The following NLK variants were observed in gnomAD, a reference collection of about 807,000 sequenced individuals.
NLK encodes nemo like kinase, also known as serine/threonine-protein kinase NLK.
Under a neutral mutation model 59.0 loss-of-function variants are expected in NLK, and 11 were observed. That is an observed-to-expected ratio of 0.19 (90% CI 0.12 to 0.31). The LOEUF (loss-of-function observed/expected upper bound fraction) is 0.31, where lower values mean the gene tolerates loss of function less well. Ranked by LOEUF, NLK falls within the 10% of genes least tolerant of loss-of-function variation. The pLI, the probability that NLK is intolerant of heterozygous loss-of-function variation, is 1.00. For synonymous variants in NLK, 235 were observed against 235.9 expected (o/e 1.00, Z 0.03); for missense variants, 410 against 661.1 (o/e 0.62, Z 4.16).
chr17:28,176,570 A>T (rs913686108), intron 7 of NLK, among the ~76,000 whole-genome samples: 1 of 152,220 alleles, frequency 6.6e-6, no homozygotes, highest in Non-Finnish European at 1.5e-5. Context: ...CATAAGCCAG[A>T]TGTTAAAATT....
At chr17:28,072,520 G>T (rs972538483) in intron 1 of NLK, among the ~76,000 whole-genome samples, 21 of 151,842 alleles carry the variant, frequency 1.4e-4, no homozygotes, top group African/African-American at 5.1e-4. Flanking sequence ...TAGAGACAGG[G>T]TCTCACTGTG....
At chr17:28,141,824 T>A (rs1907005697) in intron 3 of NLK, among the ~76,000 whole-genome samples, 1 of 152,178 alleles carries the variant, frequency 6.6e-6, no homozygotes, top group South Asian at 2.1e-4. Flanking sequence ...AGTAAAATGT[T>A]CCTAATCTAT....
intron 3 of NLK, among the ~76,000 whole-genome samples, chr17:28,143,183 A>G (rs966658389): frequency 2.4e-4 from 36 of 152,024 alleles, no homozygotes; most frequent in African/African-American, 6.3e-4. Flanking sequence ...AACTGGGACT[A>G]CAGGCACATG....
chr17:28,198,307 G>T (rs1433920374), downstream of NLK, among the ~76,000 whole-genome samples: 1 of 151,574 alleles, frequency 6.6e-6, no homozygotes. Context: ...AGCCGAGCAC[G>T]TATACTTTTA....
intron 1 of NLK, among the ~76,000 whole-genome samples, chr17:28,111,065 C>T (rs983294418): frequency 6.6e-6 from 1 of 152,036 alleles, no homozygotes; most frequent in East Asian, 1.9e-4. Flanking sequence ...AGGATGGTCT[C>T]GATCTCCTGA....
At chr17:28,151,245 C>T (rs1191884476) in intron 3 of NLK, among the ~76,000 whole-genome samples, 1 of 152,092 alleles carries the variant, frequency 6.6e-6, no homozygotes, top group African/African-American at 2.4e-5. Context: ...AGACATTATG[C>T]TGGGGATTGA....
chr17:28,098,798 T>G lies in NLK; in HGVS notation c.459-23805T>G, dbSNP rs528652845. Among the ~76,000 whole-genome samples, 24 of 150,928 alleles carry G rather than the reference T, an allele frequency of 1.6e-4. No individual in the cohort carries two copies. The East Asian group carries it at 4.1e-3, about 26-fold the overall frequency. Reference sequence around the variant, plus strand: ...CCCGGGTTCAAGTGATTTTCCTGCCTTAGCCTCCTGAGTAGCTGCGATTAC... The same window carrying G: ...CCCGGGTTCAAGTGATTTTCCTGCCGTAGCCTCCTGAGTAGCTGCGATTAC... On this transcript the variant is annotated intron_variant, in intron 1 of 10. Transcript: ENST00000407008.
chr17:28,132,524 A>T, intron 2 of NLK, 96 bp from the exon 3 acceptor site: 1 of 884,460 alleles, frequency 1.1e-6, no homozygotes, highest in Non-Finnish European at 1.8e-6. Flanking sequence ...ACTAAGCTTT[A>T]AAGCATTAAA....
intron 2 of NLK, among the ~76,000 whole-genome samples, chr17:28,131,586 T>TAAAAAA (rs35804817): frequency 8.6e-4 from 72 of 83,704 alleles, no homozygotes; most frequent in African/African-American, 3.1e-3. Context: ...TTCTCTGTAG[T>TAAAAAA]AAAAAAAAAA....
chr17:28,113,312 A>C (rs879828249), intron 1 of NLK, among the ~76,000 whole-genome samples: 1 of 152,196 alleles, frequency 6.6e-6, no homozygotes, highest in Non-Finnish European at 1.5e-5. Context: ...AGGTTCTTGG[A>C]TCTCACACAA....
At chr17:28,131,613 A>AAT (rs2142021263) in intron 2 of NLK, among the ~76,000 whole-genome samples, 1 of 150,192 alleles carries the variant, frequency 6.7e-6, no homozygotes, top group African/African-American at 2.4e-5. Flanking sequence ...AAAAAAAAAA[A>AAT]ATTTAAGCTA....
intron 8 of NLK, among the ~76,000 whole-genome samples, chr17:28,187,390 C>A (rs984396538): frequency 2.6e-5 from 4 of 152,190 alleles, no homozygotes; most frequent in African/African-American, 9.6e-5. Context: ...TGCACCTCCA[C>A]CTCCCGGGTT....
At chr17:28,068,237 C>T (rs1056822979) in intron 1 of NLK, among the ~76,000 whole-genome samples, 1 of 151,510 alleles carries the variant, frequency 6.6e-6, no homozygotes, top group African/African-American at 2.4e-5. Flanking sequence ...ATACTTTTCT[C>T]ATAAAATTAA....
intron 1 of NLK, 71 bp downstream of exon 1, chr17:28,043,402 T>G: frequency 7.7e-7 from 1 of 1,296,684 alleles, no homozygotes; most frequent in Non-Finnish European, 1.1e-6. Flanking sequence ...AGTCCATCTC[T>G]AATGGTTGTC....
chr17:28,057,409 C>A (rs367820194), intron 1 of NLK, among the ~76,000 whole-genome samples: 1 of 152,112 alleles, frequency 6.6e-6, no homozygotes, highest in Non-Finnish European at 1.5e-5. Flanking sequence ...AGAAGGAACT[C>A]GAAGTTTTAA....
chr17:28,121,879 A>G (rs551641262), intron 1 of NLK, among the ~76,000 whole-genome samples: 4 of 152,188 alleles, frequency 2.6e-5, no homozygotes, highest in African/African-American at 4.8e-5. Context: ...TATTTCAAAC[A>G]TAGGGAAATA....
chr17:28,108,668 T>C (rs2142799703), intron 1 of NLK, among the ~76,000 whole-genome samples: 1 of 152,358 alleles, frequency 6.6e-6, no homozygotes, highest in Middle Eastern at 3.4e-3. Context: ...AAAACTTTAA[T>C]AGCAAGTATG....
chr17:28,169,196 A>G (rs755000758), intron 6 of NLK, among the ~76,000 whole-genome samples: 8 of 152,202 alleles, frequency 5.3e-5, no homozygotes, highest in Non-Finnish European at 8.8e-5. Flanking sequence ...AGTTGACTTT[A>G]TTATATGCAC....
chr17:28,111,222 T>C (rs1905460735), intron 1 of NLK, among the ~76,000 whole-genome samples: 1 of 151,960 alleles, frequency 6.6e-6, no homozygotes, highest in African/African-American at 2.4e-5. Flanking sequence ...AGTCTCGATC[T>C]ATTGCCCAGG....
Sources: gnomAD v4.1 joint callset for allele counts (sites outside exome capture counted in the v4.1 genomes callset) on GRCh38, gnomAD v4.1.1 for gene constraint, MANE v1.5 for transcripts, NCBI Gene and HGNC (gene_info 2026-07-23, HGNC 2026-07-21) for gene names.